Variants in CDH17 observed in about 807,000 individuals in gnomAD.
The protein encoded by CDH17 is cadherin-17.
A neutral mutation model predicts 86.3 loss-of-function variants in CDH17; 67 were observed. The ratio of observed to expected loss-of-function variants is 0.78; its 90% CI spans 0.64 to 0.95. CDH17 has a LOEUF of 0.95. Among genes scored for constraint, CDH17 ranks in the 40% least tolerant of loss-of-function variants. The pLI, the probability that CDH17 is intolerant of heterozygous loss-of-function variation, is 0.00. For missense variants in CDH17, 993 were observed against 1,017.6 expected (o/e 0.98, Z 0.33); for synonymous variants, 367 against 366.4 (o/e 1.00, Z -0.02).
At chr8:94,199,353 A>G (rs1027298694) in intron 1 of CDH17, among the ~76,000 whole-genome samples, 2 of 152,030 alleles carry the variant, frequency 1.3e-5, no homozygotes, top group Non-Finnish European at 1.5e-5. Context: ...TGTGTAATAC[A>G]TTTTTATTGT....
intron 15 of CDH17, among the ~76,000 whole-genome samples, chr8:94,144,872 A>T (rs892292166): frequency 1.8e-4 from 27 of 152,232 alleles, no homozygotes; most frequent in African/African-American, 6.0e-4. Flanking sequence ...ACACTTCACC[A>T]GTGAAGATGG....
chr8:94,198,723 C>T (rs1465194459), intron 1 of CDH17, among the ~76,000 whole-genome samples: 11 of 152,256 alleles, frequency 7.2e-5, no homozygotes, highest in Admixed American at 2.6e-4. Flanking sequence ...CAAGCTCTCA[C>T]CCCTGCTGCT....
chr8:94,183,257 C>A (rs1242672268), intron 3 of CDH17, among the ~76,000 whole-genome samples: 1 of 152,044 alleles, frequency 6.6e-6, no homozygotes, highest in Non-Finnish European at 1.5e-5. Flanking sequence ...CAGGCTGATC[C>A]TAAAATTCAT....
At chr8:94,182,697 C>G (rs901450917) in intron 3 of CDH17, among the ~76,000 whole-genome samples, 7 of 151,988 alleles carry the variant, frequency 4.6e-5, no homozygotes, top group African/African-American at 1.7e-4. Flanking sequence ...TCCATAAGAT[C>G]AGAAACAAGA....
chr8:94,168,151 T>TC (rs1813201114), intron 9 of CDH17, among the ~76,000 whole-genome samples: 1 of 101,316 alleles, frequency 9.9e-6, no homozygotes, highest in Non-Finnish European at 2.1e-5. Flanking sequence ...TATATATATA[T>TC]ATATATTTGT....
At chr8:94,178,751 A>C (rs554651194) in intron 3 of CDH17, among the ~76,000 whole-genome samples, 1 of 152,292 alleles carries the variant, frequency 6.6e-6, no homozygotes, top group East Asian at 1.9e-4. Context: ...AGTAGGTAAG[A>C]AATGGAATTT....
At chr8:94,134,182 G>A (rs1391235906) in intron 15 of CDH17, among the ~76,000 whole-genome samples, 2 of 152,208 alleles carry the variant, frequency 1.3e-5, no homozygotes, top group East Asian at 3.8e-4. Context: ...AATGAGTTAG[G>A]GAGGATTCCC....
At chr8:94,132,624 C>A (rs1226548538) in intron 15 of CDH17, among the ~76,000 whole-genome samples, 1 of 151,924 alleles carries the variant, frequency 6.6e-6, no homozygotes, top group African/African-American at 2.4e-5. Flanking sequence ...GTTGCCTGTT[C>A]ACTCTGATGG....
chr8:94,133,535 T>A (rs2446813), intron 15 of CDH17, among the ~76,000 whole-genome samples: 26,344 of 152,222 alleles, frequency 0.17, 2,652 homozygotes, highest in South Asian at 0.33. Flanking sequence ...TGAAGTTGCT[T>A]ATCAGCTTAA....
intron 1 of CDH17, among the ~76,000 whole-genome samples, chr8:94,200,568 T>TAAAAAAAAAAAAAAA (rs1813891289): frequency 1.1e-5 from 1 of 93,024 alleles, no homozygotes; most frequent in Admixed American, 1.3e-4. Flanking sequence ...TTTTTTTTTT[T>TAAAAAAAAAAAAAAA]ACAAAAAAAG....
chr8:94,209,486 C>T (rs1046903498), upstream of CDH17, among the ~76,000 whole-genome samples: 1 of 152,168 alleles, frequency 6.6e-6, no homozygotes, highest in Non-Finnish European at 1.5e-5. Flanking sequence ...GAGAGCCCAG[C>T]CCACTCTCTA....
chr8:94,185,243 ACT>A (rs145701627), intron 3 of CDH17, among the ~76,000 whole-genome samples: 35 of 143,676 alleles, frequency 2.4e-4, no homozygotes, highest in African/African-American at 9.2e-4. Flanking sequence ...TCCTCTCACT[ACT>A]CTGTCATCCC....
chr8:94,197,446 T>C (rs1030206969), intron 1 of CDH17: 1 of 152,230 alleles, frequency 6.6e-6, no homozygotes, highest in Non-Finnish European at 1.5e-5. Context: ...GCAGCACTGC[T>C]CTCTATAGCT....
At chr8:94,131,742 G>A (rs1195801318) in intron 15 of CDH17, among the ~76,000 whole-genome samples, 4 of 151,818 alleles carry the variant, frequency 2.6e-5, no homozygotes, top group South Asian at 2.1e-4. Flanking sequence ...GGTTTGATAC[G>A]TAGGTATACA....
intron 2 of CDH17, among the ~76,000 whole-genome samples, chr8:94,190,546 C>T (rs868757874): frequency 6.6e-6 from 1 of 152,190 alleles, no homozygotes; most frequent in South Asian, 2.1e-4. Context: ...CCTTCCTGGG[C>T]ACGACTTTGG....
intron 1 of CDH17, among the ~76,000 whole-genome samples, chr8:94,200,549 T>G (rs866963155): frequency 2.0e-4 from 28 of 138,054 alleles, no homozygotes; most frequent in South Asian, 7.3e-4. Context: ...TTTTTTTTTT[T>G]TTTTTTTTTT....
chr8:94,154,409 A>G (rs1361751069), intron 12 of CDH17, among the ~76,000 whole-genome samples: 1 of 152,214 alleles, frequency 6.6e-6, no homozygotes, highest in Non-Finnish European at 1.5e-5. Flanking sequence ...AAATGCTTAC[A>G]TAGAGATTTC....
chr8:94,176,611 G>A lies in CDH17; in HGVS notation c.354C>T (p.Asp118=). The change falls in exon 5 of 18, where the codon GAC becomes GAT. Residue 118 remains aspartate (D), a synonymous_variant. Transcript: ENST00000027335. ...GAAACGTGGGTCGATTGTCGTTGAT[G>A]TCCTTCACTTTTATGGTGATAGGGA... ...GPVPITIKVK[D]INDNRPTFLQ... is the part of the protein sequence containing the mutation. The A allele has an allele frequency of 6.2e-7, 1 of 1,613,630 alleles. No homozygotes were observed. Among genetic ancestry groups the A allele is most frequent in the East Asian group, 2.2e-5 (1 of 44,838 alleles).
intron 13 of CDH17, among the ~76,000 whole-genome samples, chr8:94,150,746 C>A (rs1812840344): frequency 6.6e-6 from 1 of 152,074 alleles, no homozygotes; most frequent in Admixed American, 6.5e-5. Context: ...ACTTTTTATT[C>A]ACGTCTTTGA....
Sources: allele counts gnomAD v4.1 joint callset (sites outside exome capture counted in the v4.1 genomes callset), GRCh38; gene constraint gnomAD v4.1.1; transcripts MANE v1.5; gene names NCBI Gene and HGNC (gene_info 2026-07-23, HGNC 2026-07-21).